NAGPA: variants seen among roughly 807,000 people sequenced by gnomAD.
The protein encoded by NAGPA is alpha-N-acetylglucosaminyl phosphodiesterase.
Under a neutral mutation model 48.5 loss-of-function variants are expected in NAGPA, and 56 were observed. That is an observed-to-expected ratio of 1.15 (90% CI 0.93 to 1.44). The LOEUF is 1.44. NAGPA is among the 40% of genes most tolerant of loss of function. NAGPA has a pLI of 0.00. For synonymous variants in NAGPA, 399 were observed against 315.5 expected, an observed-to-expected ratio of 1.26 and a Z score of -2.81; for missense variants, 888 against 735.0, an observed-to-expected ratio of 1.21 and a Z score of -2.41.
intron 3 of NAGPA, 43 bp downstream of exon 3, chr16:5,031,702 C>G (rs768542144): frequency 6.2e-7 from 1 of 1,613,782 alleles, no homozygotes; most frequent in South Asian, 1.1e-5. Flanking sequence ...CCCACTGGTC[C>G]TGGTTCTCGA....
intron 5 of NAGPA, chr16:5,028,665 C>G: frequency 1.9e-5 from 13 of 673,460 alleles, no homozygotes; most frequent in East Asian, 2.9e-5. Flanking sequence ...GATCTCAGTT[C>G]TTATTCTGTC....
chr16:5,033,545 C>T lies in NAGPA; in HGVS notation c.270G>A (p.Val90=). The change falls in exon 2 of 10, where the codon GTG becomes GTA. Residue 90 remains valine, a synonymous_variant. Transcript: ENST00000312251. This position sits in a 1 kb window ranked among gnomAD's most constrained non-coding sequence, Gnocchi z 4.2. ...CAACGGCCCGCGTCAGGTGGCCGGCCACCGCGCGGTCCCTGAAGTGCGACA... is the reference window on the plus strand; with the variant it reads ...CAACGGCCCGCGTCAGGTGGCCGGCTACCGCGCGGTCCCTGAAGTGCGACA... ...TFVSHFRDRA[V]AGHLTRAVEP... The T allele has an allele frequency of 6.6e-7, 1 of 1,506,118 alleles. No homozygotes were observed. Among genetic ancestry groups the T allele is most frequent in the Non-Finnish European group, 8.8e-7 (1 of 1,137,032 alleles). 93.3% of individuals were successfully genotyped at this position (1,506,118 alleles called of 1,614,324 possible). A position where few individuals can be genotyped will look rare whatever the true frequency, so the allele number is the denominator to read the frequency against.
chr16:5,025,559 G>T lies in NAGPA; in HGVS notation c.1467C>A (p.His489Gln). The part of the protein sequence containing the change: ...NRRLHGDYAY[H>Q]PLQEMNGEPL... ...GCTCCCCGTTCATCTCCTGCAGCGG[G>T]TGGTATGCATAGTCCCCATGCAGGC... Residue 489 changes from histidine (H) to glutamine (Q), a missense_variant, in exon 10 of 10, where the codon CAC becomes CAA. By Grantham distance (24) the His-to-Gln change is conservative. Transcript: ENST00000312251. 2 of 1,613,694 alleles carry T rather than the reference G, an allele frequency of 1.2e-6. No individual in the cohort carries two copies. The highest frequency in any genetic ancestry group is 1.7e-6 in the Non-Finnish European group (2 of 1,180,000).
chr16:5,032,928 G>A (rs1956127589), intron 2 of NAGPA: 1 of 379,506 alleles, frequency 2.6e-6, no homozygotes, highest in Non-Finnish European at 4.8e-6. Flanking sequence ...TATTTACAAC[G>A]GGTTCACCCC....
chr16:5,031,435 C>T (rs1596666636), intron 3 of NAGPA: 1 of 380,926 alleles, frequency 2.6e-6, no homozygotes, highest in South Asian at 2.3e-5. Flanking sequence ...TGTTGCAGGT[C>T]CATGAAGATT....
At position 5,028,965 on chromosome 16, in the gene NAGPA, C is replaced by T. The variant is rs770833107; in HGVS notation, c.835G>A (p.Val279Met). The part of the protein sequence containing the change: ...EMAEFLLKQD[V>M]VNAINLDGGG... ...CCATCCAGGTTGATGGCGTTGACCA[C>T]GTCCTGTTTCAGCAGGAACTCCGCC... The change falls in exon 5 of 10, where the codon GTG becomes ATG. Residue 279 changes from valine (V) to methionine (M), a missense_variant. Transcript: ENST00000312251. 1.3e-5 allele frequency: 21 copies of T among 1,613,866 alleles called. 1 individual carries two copies. Among genetic ancestry groups the T allele is most frequent in the Middle Eastern group, 1.6e-4 (1 of 6,084 alleles).
chr16:5,032,204 C>A (rs780118072), intron 2 of NAGPA, among the ~76,000 whole-genome samples: 4 of 152,198 alleles, frequency 2.6e-5, no homozygotes, highest in Non-Finnish European at 5.9e-5. Context: ...CCCAGCCCAA[C>A]TACCACTTGA....
In NAGPA at chr16:5,031,782, C is replaced by G. The variant is rs373325172; in HGVS notation, c.645G>C (p.Glu215Asp). The change falls in exon 3 of 10, where the codon GAG becomes GAC. Residue 215 changes from glutamate to aspartate, a missense_variant. Glu to Asp is a conservative substitution (Grantham distance 45, BLOSUM62 2). Coordinates refer to ENST00000312251, the MANE Select transcript of NAGPA (RefSeq NM_016256.4). ...LIRNGSIYIN[E>D]SQATECDETQ... ...TCTCGTCACACTCTGTGGCTTGGCT[C>G]TCGTTGATGTAGATGCTTCCATTAC... 58 of 1,614,204 alleles carry G rather than the reference C, an allele frequency of 3.6e-5. No individual in the cohort carries two copies. The highest frequency in any genetic ancestry group is 4.7e-5 in the Non-Finnish European group (56 of 1,180,034).
chr16:5,025,370 TGAG>T lies in NAGPA; in HGVS notation c.*105_*107del. 7.3e-7 allele frequency: 1 copy of T among 1,365,598 alleles called. No homozygotes were observed. Among genetic ancestry groups the T allele is most frequent in the Middle Eastern group, 2.6e-4 (1 of 3,844 alleles). The allele number at this position is 1,365,598 out of a possible 1,614,324, so 84.6% of individuals were successfully genotyped here. On this transcript the variant is annotated 3_prime_UTR_variant, in exon 10 of 10. Coordinates refer to ENST00000312251, the MANE Select transcript of NAGPA (RefSeq NM_016256.4). ...AGGAACTTGGCTGCCCCACAGGGGC[TGAG>T]GACACCCAGATGGTCCACGCCAGTG...
At position 5,031,838 on chromosome 16, in the gene NAGPA, G is replaced by A. The variant is rs1434566978; in HGVS notation, c.589C>T (p.Gln197Ter). 2.5e-6 allele frequency: 4 copies of A among 1,614,030 alleles called. No individual in the cohort carries two copies. Among genetic ancestry groups the A allele is most frequent in the Non-Finnish European group, 3.4e-6 (4 of 1,180,032 alleles). The change falls in exon 3 of 10, where the codon CAG becomes TAG. Residue 197 changes from glutamine to a stop codon, truncating the protein, a stop_gained. Transcript: ENST00000312251. LOFTEE classifies it high-confidence loss of function. ...EVLDTENPFV[Q>*]LLSGVVWLIR... Reference sequence around the variant, plus strand: ...AGCCACACGACCCCACTCAGCAGCTGCACAAATGGGTTCTCAGTGTCCAGC... The same window carrying A: ...AGCCACACGACCCCACTCAGCAGCTACACAAATGGGTTCTCAGTGTCCAGC...
In NAGPA at chr16:5,031,820, C is replaced by T. The variant is rs142777588; in HGVS notation, c.607G>A (p.Val203Met). ...NPFVQLLSGV[V>M]WLIRNGSIYI... ...ATGCTTCCATTACGAATCAGCCACA[C>T]GACCCCACTCAGCAGCTGCACAAAT... Residue 203 changes from valine (V) to methionine (M), a missense_variant, in exon 3 of 10, where the codon GTG (valine) becomes ATG (methionine). Transcript: ENST00000312251. 2.8e-5 allele frequency: 46 copies of T among 1,614,040 alleles called. No individual in the cohort carries two copies. Among genetic ancestry groups the T allele is most frequent in the Middle Eastern group, 3.3e-4 (2 of 6,084 alleles).
intron 9 of NAGPA, among the ~76,000 whole-genome samples, chr16:5,026,669 G>A (rs888585505): frequency 1.3e-5 from 2 of 152,026 alleles, no homozygotes; most frequent in Non-Finnish European, 2.9e-5. Context: ...GCCAAGGTGG[G>A]AGGATCACTT....
Position 5,033,181 on chromosome 16 carries a change from G to T in NAGPA, c.542+92C>A. ...CTGCAGAGGAGGAAACAGGGGCTCA[G>T]CTTGGTTAAGTGACTTGAACACGGA... On this transcript the variant is annotated intron_variant, in intron 2 of 9. Coordinates refer to ENST00000312251, the MANE Select transcript of NAGPA (RefSeq NM_016256.4). This position sits in a 1 kb window ranked among gnomAD's most constrained non-coding sequence, Gnocchi z 4.2. 1.4e-6 allele frequency: 2 copies of T among 1,428,502 alleles called. No homozygotes were observed. Among genetic ancestry groups the T allele is most frequent in the Non-Finnish European group, 1.9e-6 (2 of 1,050,912 alleles). 88.5% of individuals were successfully genotyped at this position (1,428,502 alleles called of 1,614,324 possible).
In NAGPA at chr16:5,033,274, C is replaced by T; in HGVS notation, c.541G>A (p.Gly181Arg). 2 of 1,591,992 alleles carry T rather than the reference C, an allele frequency of 1.3e-6. No individual in the cohort carries two copies. Among genetic ancestry groups the T allele is most frequent in the Non-Finnish European group, 1.7e-6 (2 of 1,177,448 alleles). The change falls in exon 2 of 10, where the codon GGG becomes AGG. Residue 181 changes from glycine (G) to arginine (R), a missense_variant and splice_region_variant. By Grantham distance (125) the Gly-to-Arg change is moderately radical (BLOSUM62 -2). Transcript: ENST00000312251. The surrounding 1 kb of genome is among the most constrained non-coding windows in gnomAD (Gnocchi z 4.2). The part of the protein sequence containing the change: ...GIRRDGTLVT[G>R]YLSEEEVLDT... ...GCACGGGGCTCCCTGCCTCCTCACC[C>T]GGTGACCAGGGTCCCGTCGCGGCGG... is the stretch of plus-strand genomic sequence containing the variant.
Position 5,030,445 on chromosome 16 carries a change from C to T in NAGPA, c.731G>A (p.Gly244Asp), listed in dbSNP as rs1243847815. The T allele has an allele frequency of 6.4e-7, 1 of 1,554,864 alleles. No individual in the cohort carries two copies. Among genetic ancestry groups the T allele is most frequent in the Non-Finnish European group, 8.7e-7 (1 of 1,148,438 alleles). The part of the protein sequence containing the change: ...VNVISARTAI[G>D]HDRKGQLVLF... ...CACCAGCTGCCCTTTCCGGTCGTGG[C>T]CAATGGCCGTCCTGGCTGATATCAC... The change falls in exon 4 of 10, where the codon GGC (glycine) becomes GAC (aspartate). Residue 244 changes from glycine (G) to aspartate (D), a missense_variant. Physicochemically the swap from Gly to Asp is moderately conservative, Grantham distance 94. Coordinates refer to ENST00000312251, the MANE Select transcript of NAGPA (RefSeq NM_016256.4).
rs574565453 is a variant in NAGPA, at chr16:5,025,096, G to A, written c.*382C>T. The stretch of plus-strand genomic sequence containing the variant: ...TCGTCCCTTTAACCCACTCCAGCCA[G>A]GGGTGCTGGCCAGGATGTGCTGTTC... On this transcript the variant is annotated 3_prime_UTR_variant, in exon 10 of 10. Coordinates refer to ENST00000312251, the MANE Select transcript of NAGPA (RefSeq NM_016256.4). The A allele has an allele frequency of 3.7e-6, 1 of 273,002 alleles. No individual in the cohort carries two copies. The highest frequency in any genetic ancestry group is 8.0e-5 in the East Asian group (1 of 12,508). 16.9% of individuals were successfully genotyped at this position (273,002 alleles called of 1,614,324 possible). A position where few individuals can be genotyped will look rare whatever the true frequency, so the allele number is the denominator to read the frequency against.
Position 5,033,760 on chromosome 16 carries a change from G to T in NAGPA, c.87-32C>A, listed in dbSNP as rs746241807. ...GGACGGGCGGCCGTGAGCTCAGGGG[G>T]CTGTCCTCGTGAGCTCGGAGGACAG... is the stretch of plus-strand genomic sequence containing the variant. On this transcript the variant is annotated intron_variant, in intron 1 of 9. Coordinates refer to ENST00000312251, the MANE Select transcript of NAGPA (RefSeq NM_016256.4). This position sits in a 1 kb window ranked among gnomAD's most constrained non-coding sequence, Gnocchi z 4.2. 28 of 1,592,466 alleles carry T rather than the reference G, an allele frequency of 1.8e-5. No homozygotes were observed. The African/African-American group carries it at 2.4e-4, about 14-fold the overall frequency.
chr16:5,025,712 G>T (rs755174799), intron 9 of NAGPA, 27 bp from the exon 10 acceptor site: 4 of 1,571,690 alleles, frequency 2.5e-6, no homozygotes, highest in East Asian at 2.4e-5. Context: ...AGCCCCAAGT[G>T]GGGGACTGCT....
chr16:5,026,246 C>G lies in NAGPA; in HGVS notation c.1341-561G>C, dbSNP rs867081326. 2.0e-5 allele frequency among the ~76,000 whole-genome samples: 3 copies of G among 150,262 alleles called. No individual in the cohort carries two copies. The Middle Eastern group carries it at 0.01, about 515-fold the overall frequency. ...GCCTGGCCTGATATTTTAAGAGAAG[C>G]CATTAAAAAGGTTTTTAAGGCTGGG... On this transcript the variant is annotated intron_variant, in intron 9 of 9. Transcript: ENST00000312251.
Sources: gnomAD v4.1 joint callset for allele counts (sites outside exome capture counted in the v4.1 genomes callset) on GRCh38, gnomAD v4.1.1 for gene constraint, Gnocchi (gnomAD v3.1) non-coding constraint, MANE v1.5 for transcripts, NCBI Gene and HGNC (gene_info 2026-07-23, HGNC 2026-07-21) for gene names.